Variants in LINGO2 observed in about 807,000 individuals in gnomAD.
LINGO2 encodes the protein leucine rich repeat and Ig domain containing 2.
In LINGO2, 14 loss-of-function variants were observed where a neutral mutation model predicts 30.6. That is an observed-to-expected ratio of 0.46 (90% CI 0.30 to 0.72). The LOEUF is 0.72. Among genes scored for constraint, LINGO2 ranks in the 30% least tolerant of loss-of-function variants. The probability of loss-of-function intolerance (pLI) is 0.07; values close to 1 mark genes in which losing one functional copy is unlikely to be tolerated. For missense variants in LINGO2, 729 were observed against 751.7 expected (o/e 0.97, Z 0.35); for synonymous variants, 317 against 288.5 (o/e 1.10, Z -1.00).
At chr9:29,074,761 C>T in the LINGO2 span, among the ~76,000 whole-genome samples, 1 of 145,298 alleles carries the variant, frequency 6.9e-6, no homozygotes, top group African/African-American at 2.6e-5. Flanking sequence ...TCTCAGCTCA[C>T]TGCAGCCTCT....
At chr9:28,799,384 G>C in the LINGO2 span, among the ~76,000 whole-genome samples, 1 of 152,002 alleles carries the variant, frequency 6.6e-6, no homozygotes, top group African/African-American at 2.4e-5. Context: ...ATGAAGGGGT[G>C]TGAAAAAGAA....
At chr9:29,191,180 G>A in the LINGO2 span, among the ~76,000 whole-genome samples, 1 of 152,238 alleles carries the variant, frequency 6.6e-6, no homozygotes, top group South Asian at 2.1e-4. Context: ...TAAAATTTAA[G>A]CAAGACCCTC....
intron 1 of LINGO2, among the ~76,000 whole-genome samples, chr9:28,542,385 G>A (rs956733346): frequency 6.6e-6 from 1 of 151,724 alleles, no homozygotes; most frequent in Non-Finnish European, 1.5e-5. Context: ...TACCAGAGAG[G>A]CCTAAGGAAA....
At chr9:28,304,971 T>A (rs941952933) in intron 3 of LINGO2, among the ~76,000 whole-genome samples, 1 of 152,044 alleles carries the variant, frequency 6.6e-6, no homozygotes, top group African/African-American at 2.4e-5. Context: ...TACTTATCAA[T>A]GTTCTAGGAA....
the LINGO2 span, among the ~76,000 whole-genome samples, chr9:29,156,814 A>T: frequency 3.6e-3 from 544 of 152,160 alleles, 3 homozygotes; most frequent in African/African-American, 0.012. Context: ...TTATTACCTG[A>T]GAATAAACCA....
chr9:28,357,501 T>C (rs1299978954), intron 3 of LINGO2, among the ~76,000 whole-genome samples: 2 of 152,084 alleles, frequency 1.3e-5, no homozygotes, highest in Non-Finnish European at 2.9e-5. Flanking sequence ...CACCCCAAAA[T>C]ACAATCCTAA....
chr9:29,024,568 G>A, the LINGO2 span, among the ~76,000 whole-genome samples: 1 of 152,020 alleles, frequency 6.6e-6, no homozygotes, highest in Non-Finnish European at 1.5e-5. Flanking sequence ...GATACTAAAT[G>A]ATTATCACTA....
intron 1 of LINGO2, among the ~76,000 whole-genome samples, chr9:28,510,686 G>A (rs199707903): frequency 4.7e-4 from 5 of 10,556 alleles, no homozygotes; most frequent in Non-Finnish European, 2.1e-3. Context: ...ATATATATGT[G>A]TGTGTGTGTG....
At chr9:28,976,251 A>AT in the LINGO2 span, among the ~76,000 whole-genome samples, 1 of 152,084 alleles carries the variant, frequency 6.6e-6, no homozygotes, top group Non-Finnish European at 1.5e-5. Flanking sequence ...TACCTGAGCT[A>AT]TTTTTCCTTT....
chr9:28,371,887 C>G (rs1331869), intron 3 of LINGO2, among the ~76,000 whole-genome samples: 119,073 of 151,900 alleles, frequency 0.78, 47,885 homozygotes, highest in Middle Eastern at 0.9. Context: ...AAGTTAAAAT[C>G]GAATACCTGT....
the LINGO2 span, among the ~76,000 whole-genome samples, chr9:28,795,946 A>G: frequency 6.6e-6 from 1 of 151,038 alleles, no homozygotes; most frequent in African/African-American, 2.4e-5. Flanking sequence ...TAAATAGTCA[A>G]TGTATACCTT....
At chr9:29,180,904 A>G in the LINGO2 span, among the ~76,000 whole-genome samples, 1 of 152,174 alleles carries the variant, frequency 6.6e-6, no homozygotes, top group Non-Finnish European at 1.5e-5. Context: ...ACAAAACAAA[A>G]CAAAATTTCT....
chr9:28,877,047 T>C, the LINGO2 span, among the ~76,000 whole-genome samples: 1 of 152,166 alleles, frequency 6.6e-6, no homozygotes, highest in Non-Finnish European at 1.5e-5. Flanking sequence ...CATAAATGTC[T>C]TCTTTTGAAA....
At chr9:29,197,184 T>C in the LINGO2 span, among the ~76,000 whole-genome samples, 66 of 152,134 alleles carry the variant, frequency 4.3e-4, no homozygotes, top group African/African-American at 1.5e-3. Flanking sequence ...TGTTCAGAAA[T>C]GTATAGCTTA....
the LINGO2 span, among the ~76,000 whole-genome samples, chr9:28,707,212 T>G: frequency 2.6e-5 from 4 of 152,116 alleles, no homozygotes; most frequent in South Asian, 2.1e-4. Flanking sequence ...AGGTGTCTCA[T>G]GAAATCATTA....
At chr9:28,126,790 G>C (rs1042830396) in intron 4 of LINGO2, among the ~76,000 whole-genome samples, 5 of 152,168 alleles carry the variant, frequency 3.3e-5, no homozygotes, top group African/African-American at 9.7e-5. Flanking sequence ...TGTTACATTT[G>C]TTTATATGGT....
At chr9:28,890,715 A>C in the LINGO2 span, among the ~76,000 whole-genome samples, 1 of 152,072 alleles carries the variant, frequency 6.6e-6, no homozygotes, top group South Asian at 2.1e-4. Flanking sequence ...TATAAAGGTT[A>C]TTTGCTGTTA....
chr9:29,160,996 C>G, the LINGO2 span, among the ~76,000 whole-genome samples: 1 of 152,144 alleles, frequency 6.6e-6, no homozygotes, highest in Non-Finnish European at 1.5e-5. Context: ...CTCGGGCTGG[C>G]GCCCAAAGAA....
chr9:29,158,763 T>C, the LINGO2 span, among the ~76,000 whole-genome samples: 1 of 152,090 alleles, frequency 6.6e-6, no homozygotes, highest in Non-Finnish European at 1.5e-5. Flanking sequence ...TGTGTGTATA[T>C]GTGTGTGTAT....
Sources: gnomAD v4.1 joint callset for allele counts (sites outside exome capture counted in the v4.1 genomes callset) on GRCh38, gnomAD v4.1.1 for gene constraint, MANE v1.5 for transcripts, NCBI Gene and HGNC (gene_info 2026-07-23, HGNC 2026-07-21) for gene names.